RTL4: variants seen among roughly 807,000 people sequenced by gnomAD.
The protein encoded by RTL4 is retrotransposon Gag-like protein 4.
Under a neutral mutation model 5.3 loss-of-function variants are expected in RTL4, and 4 were observed. The observed-to-expected ratio is 0.75, with a 90% CI of 0.37 to 1.72. The LOEUF is 1.72. Among genes scored for constraint, RTL4 ranks in the 40% most tolerant of loss-of-function variants. RTL4 has a pLI of 0.04. For missense variants in RTL4, 260 were observed against 227.1 expected (o/e 1.14, Z -0.93); for synonymous variants, 98 against 87.3 (o/e 1.12, Z -0.68).
At chrX:112,092,309 T>C in the RTL4 span, among the ~76,000 whole-genome samples, 1 of 112,133 alleles carries the variant, frequency 8.9e-6, no homozygotes, top group Non-Finnish European at 1.9e-5. Context: ...TTGCTTGCTT[T>C]TGGGTTTGAT....
At chrX:112,148,903 T>C in the RTL4 span, among the ~76,000 whole-genome samples, 1 of 111,734 alleles carries the variant, frequency 8.9e-6, no homozygotes, top group Non-Finnish European at 1.9e-5. Context: ...TCTCATCCCA[T>C]TGATGTGTCA....
the RTL4 span, among the ~76,000 whole-genome samples, chrX:112,397,286 T>G: frequency 8.9e-6 from 1 of 112,166 alleles, no homozygotes; most frequent in Non-Finnish European, 1.9e-5. Context: ...CTAGATTACT[T>G]AAAATACCTA....
chrX:112,353,890 C>T, the RTL4 span, among the ~76,000 whole-genome samples: 1 of 110,621 alleles, frequency 9.0e-6, no homozygotes, highest in East Asian at 2.9e-4. Context: ...TTAGAATGTC[C>T]AGAAAGGGAA....
At chrX:112,126,602 A>G in the RTL4 span, among the ~76,000 whole-genome samples, 1 of 112,310 alleles carries the variant, frequency 8.9e-6, no homozygotes, top group African/African-American at 3.2e-5. Context: ...ATAGAAAAAC[A>G]ATGGAATCAA....
the RTL4 span, among the ~76,000 whole-genome samples, chrX:112,161,751 C>T: frequency 1.8e-5 from 2 of 110,257 alleles, no homozygotes; most frequent in Non-Finnish European, 3.8e-5. Flanking sequence ...TTTTAAAAAT[C>T]GCACTCTATT....
the RTL4 span, among the ~76,000 whole-genome samples, chrX:112,090,426 A>T: frequency 4.5e-5 from 5 of 111,377 alleles, no homozygotes; most frequent in East Asian, 1.4e-3. Flanking sequence ...CTTTCGGTTC[A>T]TACTTTGTTG....
chrX:112,319,034 A>G, the RTL4 span, among the ~76,000 whole-genome samples: 1 of 111,908 alleles, frequency 8.9e-6, no homozygotes, highest in Non-Finnish European at 1.9e-5. Flanking sequence ...CAGTAAAGAA[A>G]TACTACAGGC....
the RTL4 span, among the ~76,000 whole-genome samples, chrX:112,399,461 A>G: frequency 1.3e-4 from 15 of 111,200 alleles, no homozygotes; most frequent in Non-Finnish European, 2.6e-4. Flanking sequence ...TAATGCTGTA[A>G]ATTTCCCTCT....
chrX:112,184,359 A>T, the RTL4 span, among the ~76,000 whole-genome samples: 1 of 112,284 alleles, frequency 8.9e-6, no homozygotes, highest in African/African-American at 3.2e-5. Flanking sequence ...AATAAAAAAA[A>T]TTAAAATTAA....
the RTL4 span, among the ~76,000 whole-genome samples, chrX:112,174,605 G>C: frequency 3.1e-3 from 274 of 87,728 alleles, no homozygotes; most frequent in African/African-American, 0.01. Flanking sequence ...CCAGTAATGG[G>C]ATGGCTGGGT....
At chrX:112,310,736 T>C in the RTL4 span, among the ~76,000 whole-genome samples, 1 of 77,378 alleles carries the variant, frequency 1.3e-5, no homozygotes, top group East Asian at 3.7e-4. Flanking sequence ...ATTATATATT[T>C]ATATATTATA....
At chrX:112,336,284 A>G in the RTL4 span, among the ~76,000 whole-genome samples, 1 of 111,723 alleles carries the variant, frequency 9.0e-6, no homozygotes, top group South Asian at 3.7e-4. Flanking sequence ...TTTTTTGTTT[A>G]CAAGAGCTGT....
the RTL4 span, among the ~76,000 whole-genome samples, chrX:112,130,393 G>A: frequency 1.8e-5 from 2 of 109,561 alleles, no homozygotes; most frequent in Admixed American, 9.9e-5. Context: ...TTGCCAGCTT[G>A]CGAGGTGGGT....
the RTL4 span, among the ~76,000 whole-genome samples, chrX:112,197,342 G>A: frequency 9.0e-6 from 1 of 110,961 alleles, no homozygotes; most frequent in Non-Finnish European, 1.9e-5. Context: ...CTGTGGAGGG[G>A]CAGCTCATTC....
chrX:112,117,400 A>G, the RTL4 span, among the ~76,000 whole-genome samples: 3 of 110,513 alleles, frequency 2.7e-5, no homozygotes, highest in Non-Finnish European at 5.7e-5. Flanking sequence ...TATAATCGTT[A>G]TATGGTAAAT....
chrX:112,232,844 C>T, the RTL4 span, among the ~76,000 whole-genome samples: 9 of 110,837 alleles, frequency 8.1e-5, no homozygotes, highest in Admixed American at 6.8e-4. Flanking sequence ...GCTTCATTCC[C>T]CACCCCAAGC....
chrX:112,106,635 C>T, the RTL4 span, among the ~76,000 whole-genome samples: 1 of 111,665 alleles, frequency 9.0e-6, no homozygotes, highest in Non-Finnish European at 1.9e-5. Flanking sequence ...TTTATACTTC[C>T]ACCAGCAGTC....
chrX:112,098,706 G>A, the RTL4 span, among the ~76,000 whole-genome samples: 1 of 111,311 alleles, frequency 9.0e-6, no homozygotes, highest in Non-Finnish European at 1.9e-5. Flanking sequence ...TTCTCTGATG[G>A]CCAGTGATGA....
At chrX:112,158,274 T>C in the RTL4 span, among the ~76,000 whole-genome samples, 1 of 111,740 alleles carries the variant, frequency 8.9e-6, no homozygotes. Flanking sequence ...AGGCACCTAA[T>C]ATGATTTTAA....
Sources: allele counts gnomAD v4.1 joint callset (sites outside exome capture counted in the v4.1 genomes callset), GRCh38; gene constraint gnomAD v4.1.1; transcripts MANE v1.5; gene names NCBI Gene and HGNC (gene_info 2026-07-23, HGNC 2026-07-21).